DENND5A: variants seen among roughly 807,000 people sequenced by gnomAD.
DENND5A encodes DENN domain-containing protein 5A.
DENND5A carries 64 observed loss-of-function variants against 140.3 expected under a neutral mutation model. The observed-to-expected ratio is 0.46, with a 90% confidence interval of 0.37 to 0.56. The LOEUF is 0.56. Ranked by LOEUF, DENND5A falls within the 20% of genes least tolerant of loss-of-function variation. The pLI is 0.00. For missense variants in DENND5A, 1,292 were observed against 1,593.8 expected, an observed-to-expected ratio of 0.81 and a Z score of 3.22; for synonymous variants, 605 against 607.7, an observed-to-expected ratio of 1.00 and a Z score of 0.07.
At chr11:9,251,138 CAA>C (rs887593530) in intron 1 of DENND5A, among the ~76,000 whole-genome samples, 14 of 89,986 alleles carry the variant, frequency 1.6e-4, no homozygotes, top group Admixed American at 2.4e-4. Context: ...CCATCTCAAA[CAA>C]AAAAAAAAAA....
chr11:9,264,938 C>A, intron 1 of DENND5A, 23 bp downstream of exon 1: 1 of 1,532,120 alleles, frequency 6.5e-7, no homozygotes, highest in Admixed American at 1.9e-5. Flanking sequence ...CGGGAAAGCG[C>A]CCCGGGCTCG....
At chr11:9,177,952 A>G in intron 8 of DENND5A, 180 bp downstream of exon 8, 2 of 620,058 alleles carry the variant, frequency 3.2e-6, no homozygotes, top group South Asian at 3.8e-5. Context: ...CCTAACTAAC[A>G]GTGTTAAAGG....
chr11:9,156,347 A>T (rs187852125), intron 12 of DENND5A, among the ~76,000 whole-genome samples: 1 of 152,162 alleles, frequency 6.6e-6, no homozygotes, highest in Non-Finnish European at 1.5e-5. Flanking sequence ...AGCCCCCATT[A>T]TTTTGCACTG....
intron 17 of DENND5A, 38 bp downstream of exon 17, chr11:9,145,632 C>G (rs762765211): frequency 7.4e-6 from 12 of 1,611,762 alleles, no homozygotes; most frequent in Non-Finnish European, 1.0e-5. Flanking sequence ...GTTGCAAACT[C>G]AGATCCCCAC....
At chr11:9,183,905 G>T (rs1848816650) in intron 5 of DENND5A, among the ~76,000 whole-genome samples, 1 of 151,968 alleles carries the variant, frequency 6.6e-6, no homozygotes, top group Non-Finnish European at 1.5e-5. Context: ...GACATTTGAG[G>T]CCGGGCGCCG....
chr11:9,181,262 T>G (rs945540637), intron 5 of DENND5A, among the ~76,000 whole-genome samples, 178 bp from the exon 6 acceptor site: 3 of 152,204 alleles, frequency 2.0e-5, no homozygotes, highest in African/African-American at 7.2e-5. Flanking sequence ...AATATTACCC[T>G]GCCACATTCT....
intron 22 of DENND5A, among the ~76,000 whole-genome samples, chr11:9,141,039 T>C (rs1056162866): frequency 6.6e-6 from 1 of 152,074 alleles, no homozygotes; most frequent in Non-Finnish European, 1.5e-5. Context: ...GGCAGGAGAC[T>C]CACTTGAACC....
intron 1 of DENND5A, among the ~76,000 whole-genome samples, chr11:9,230,097 G>T (rs1232171340): frequency 6.6e-6 from 1 of 151,016 alleles, no homozygotes; most frequent in African/African-American, 2.4e-5. Flanking sequence ...TTTTAGTAGA[G>T]ACGGGGTTTC....
At chr11:9,257,440 A>G (rs1590347656) in intron 1 of DENND5A, among the ~76,000 whole-genome samples, 1 of 151,144 alleles carries the variant, frequency 6.6e-6, no homozygotes, top group Admixed American at 6.6e-5. Flanking sequence ...CTTAAAAAAA[A>G]AAAAAAAAAA....
At position 9,265,051 on chromosome 11, in the gene DENND5A, C is replaced by A. The variant is rs1554939288; in HGVS notation, c.19G>T (p.Gly7Ter). 2 of 1,538,996 alleles carry A rather than the reference C, an allele frequency of 1.3e-6. No individual in the cohort carries two copies. The highest frequency in any genetic ancestry group is 1.4e-5 in the African/African-American group (1 of 69,820). Reference protein sequence around the residue: MSGGGGGGGSAPSRFAD... With the variant: MSGGGG Reference sequence around the variant, plus strand: ...AAGCGACTGGGCGCCGAGCCCCCTCCGCCGCCGCCGCCACTCATGGCGCCG... The same window carrying A: ...AAGCGACTGGGCGCCGAGCCCCCTCAGCCGCCGCCGCCACTCATGGCGCCG... Residue 7 changes from glycine (G) to a stop codon, truncating the protein, a stop_gained, in exon 1 of 23, where the codon GGA becomes TGA. Transcript: ENST00000328194. LOFTEE classifies it high-confidence loss of function. This position sits in a 1 kb window ranked among gnomAD's most constrained non-coding sequence, Gnocchi z 4.7.
At position 9,265,114 on chromosome 11, in the gene DENND5A, G is replaced by T; in HGVS notation, c.-45C>A. ...GCCGGGCAGTGCGGAGCGGCACCGAGCCCCCGCAACCCGGGCGCCCGCCCG... is the reference window on the plus strand; with the variant it reads ...GCCGGGCAGTGCGGAGCGGCACCGATCCCCCGCAACCCGGGCGCCCGCCCG... On this transcript the variant is annotated 5_prime_UTR_variant, in exon 1 of 23. Transcript: ENST00000328194. This position sits in a 1 kb window ranked among gnomAD's most constrained non-coding sequence, Gnocchi z 4.7. 8.6e-7 allele frequency: 1 copy of T among 1,169,406 alleles called. No individual in the cohort carries two copies. The allele number at this position is 1,169,406 out of a possible 1,614,324, so 72.4% of individuals were successfully genotyped here.
At position 9,145,785 on chromosome 11, in the gene DENND5A, C is replaced by T; in HGVS notation, c.2888G>A (p.Ser963Asn). Residue 963 changes from serine to asparagine, a missense_variant, in exon 17 of 23, where the codon AGC becomes AAC. Transcript: ENST00000328194. ...GAACATGGAGCCCCCCAGCTTCTTGCTTGGTACGATCAGAATGTGGTACGG... is the reference window on the plus strand; with the variant it reads ...GAACATGGAGCCCCCCAGCTTCTTGTTTGGTACGATCAGAATGTGGTACGG... ...LIPYHILIVP[S>N]KKLGGSMFTA... The T allele has an allele frequency of 6.2e-7, 1 of 1,614,170 alleles. No homozygotes were observed. The highest frequency in any genetic ancestry group is 8.5e-7 in the Non-Finnish European group (1 of 1,180,016).
chr11:9,232,687 G>A (rs1590312528), intron 1 of DENND5A, among the ~76,000 whole-genome samples: 3 of 152,158 alleles, frequency 2.0e-5, no homozygotes, highest in South Asian at 4.1e-4. Context: ...CTGAACATGC[G>A]TATACCTATG....
intron 15 of DENND5A, among the ~76,000 whole-genome samples, chr11:9,149,310 G>A (rs1847535121): frequency 6.6e-6 from 1 of 152,194 alleles, no homozygotes; most frequent in Admixed American, 6.5e-5. Flanking sequence ...CCTCCTGTCT[G>A]TGCAGCTAAG....
At chr11:9,229,205 T>C (rs1371443329) in intron 1 of DENND5A, among the ~76,000 whole-genome samples, 3 of 152,258 alleles carry the variant, frequency 2.0e-5, no homozygotes, top group Admixed American at 6.5e-5. Flanking sequence ...AGTTACAGAA[T>C]TGGTTAGCAT....
chr11:9,189,352 T>A (rs1269385454), intron 5 of DENND5A, among the ~76,000 whole-genome samples: 1 of 152,148 alleles, frequency 6.6e-6, no homozygotes, highest in Non-Finnish European at 1.5e-5. Flanking sequence ...GCTAGAGTAG[T>A]GCGGAAGGGA....
chr11:9,207,725 T>C, intron 1 of DENND5A, 93 bp from the exon 2 acceptor site: 1 of 925,270 alleles, frequency 1.1e-6, no homozygotes, highest in Admixed American at 2.2e-5. Context: ...CATTTTACAT[T>C]ATGAAACAAT....
At chr11:9,257,396 A>G (rs1289052840) in intron 1 of DENND5A, among the ~76,000 whole-genome samples, 1 of 146,992 alleles carries the variant, frequency 6.8e-6, no homozygotes, top group Non-Finnish European at 1.5e-5. Context: ...GTGCCACTGC[A>G]CTCCAGCCTG....
chr11:9,217,241 G>A (rs1236664723), intron 1 of DENND5A, among the ~76,000 whole-genome samples: 13 of 152,102 alleles, frequency 8.5e-5, no homozygotes, highest in South Asian at 2.1e-4. Flanking sequence ...CTGGCCAGGC[G>A]CGATGGCTCA....
Sources: gnomAD v4.1 joint callset for allele counts (sites outside exome capture counted in the v4.1 genomes callset) on GRCh38, gnomAD v4.1.1 for gene constraint, Gnocchi (gnomAD v3.1) non-coding constraint, MANE v1.5 for transcripts, NCBI Gene and HGNC (gene_info 2026-07-23, HGNC 2026-07-21) for gene names.